DPYD: variants seen among roughly 807,000 people sequenced by gnomAD.
DPYD encodes the protein dihydropyrimidine dehydrogenase [NADP(+)].
DPYD carries 109 observed loss-of-function variants against 116.2 expected under a neutral mutation model. The observed-to-expected ratio is 0.94, with a 90% CI of 0.80 to 1.10. DPYD has a LOEUF of 1.10. DPYD is among the 50% of genes least tolerant of loss of function. The probability of loss-of-function intolerance (pLI) is 0.00; values close to 1 mark genes in which losing one functional copy is unlikely to be tolerated. For synonymous variants in DPYD, 440 were observed against 432.0 expected, an observed-to-expected ratio of 1.02 and a Z score of -0.23; for missense variants, 1,302 against 1,254.5, an observed-to-expected ratio of 1.04 and a Z score of -0.57.
At chr1:97,288,685 C>T in intron 18 of DPYD, among the ~76,000 whole-genome samples, 1 of 141,688 alleles carries the variant, frequency 7.1e-6, no homozygotes, top group Admixed American at 7.3e-5. Context: ...ACATTCAAAG[C>T]AGTGTGTAGA....
At chr1:97,462,823 G>C (rs1158488213) in intron 13 of DPYD, among the ~76,000 whole-genome samples, 1 of 152,124 alleles carries the variant, frequency 6.6e-6, no homozygotes, top group African/African-American at 2.4e-5. Flanking sequence ...CCCTGATCTA[G>C]GAGAGAATTA....
intron 18 of DPYD, among the ~76,000 whole-genome samples, chr1:97,298,832 C>T (rs1003784825): frequency 6.6e-6 from 1 of 152,084 alleles, no homozygotes. Flanking sequence ...GATTGATAGC[C>T]TAATCCAATG....
intron 20 of DPYD, among the ~76,000 whole-genome samples, chr1:97,126,172 C>T (rs1233093700): frequency 3.3e-5 from 5 of 152,040 alleles, no homozygotes; most frequent in Admixed American, 2.6e-4. Context: ...TCTTTTGGCC[C>T]TCATTCTTAT....
At chr1:97,351,791 A>G (rs1433776978) in intron 16 of DPYD, among the ~76,000 whole-genome samples, 1 of 152,130 alleles carries the variant, frequency 6.6e-6, no homozygotes, top group African/African-American at 2.4e-5. Flanking sequence ...TGTTTATAAA[A>G]GAGGAAATCA....
chr1:97,336,905 T>C (rs1405840381), intron 16 of DPYD, among the ~76,000 whole-genome samples: 1 of 151,954 alleles, frequency 6.6e-6, no homozygotes, highest in Non-Finnish European at 1.5e-5. Context: ...AAAAATACAA[T>C]GTTAAAGAGG....
At chr1:97,184,511 G>C (rs554537409) in intron 20 of DPYD, among the ~76,000 whole-genome samples, 1 of 152,200 alleles carries the variant, frequency 6.6e-6, no homozygotes, top group East Asian at 1.9e-4. Context: ...TTTCTCTAAT[G>C]ATCAGTGACA....
At chr1:97,584,976 A>AAAG (rs1653993019) in intron 10 of DPYD, among the ~76,000 whole-genome samples, 1 of 148,120 alleles carries the variant, frequency 6.8e-6, no homozygotes, top group African/African-American at 2.5e-5. Flanking sequence ...ATAAAGAAAT[A>AAAG]AAATAAAATG....
At chr1:97,537,821 T>C (rs917511112) in intron 12 of DPYD, among the ~76,000 whole-genome samples, 2 of 152,138 alleles carry the variant, frequency 1.3e-5, no homozygotes, top group Non-Finnish European at 2.9e-5. Flanking sequence ...ATTGAAGAAA[T>C]GGAAGACATG....
chr1:97,213,089 G>A (rs1660146852), intron 19 of DPYD, among the ~76,000 whole-genome samples: 1 of 151,884 alleles, frequency 6.6e-6, no homozygotes, highest in Non-Finnish European at 1.5e-5. Context: ...GGGCTCTCTG[G>A]AGTCTCTTGA....
chr1:97,464,900 C>T (rs1473296277), intron 13 of DPYD, among the ~76,000 whole-genome samples: 2 of 152,086 alleles, frequency 1.3e-5, no homozygotes, highest in Non-Finnish European at 2.9e-5. Context: ...TCCTCCAGAC[C>T]CCAGAATGGT....
intron 8 of DPYD, among the ~76,000 whole-genome samples, chr1:97,673,855 A>G (rs994081162): frequency 2.0e-4 from 30 of 152,162 alleles, no homozygotes; most frequent in African/African-American, 7.0e-4. Context: ...AAATATGAAA[A>G]CAAAGATAGC....
chr1:97,623,101 G>A (rs1656721618), intron 8 of DPYD, among the ~76,000 whole-genome samples: 2 of 152,062 alleles, frequency 1.3e-5, no homozygotes, highest in African/African-American at 4.8e-5. Context: ...GGGCAATGTT[G>A]AAAGTGAATG....
At chr1:97,182,031 A>G (rs1657682391) in intron 20 of DPYD, among the ~76,000 whole-genome samples, 1 of 152,102 alleles carries the variant, frequency 6.6e-6, no homozygotes, top group Admixed American at 6.6e-5. Context: ...ACCCAGTAGT[A>G]AGGCATCATG....
chr1:97,532,104 C>G (rs1649669138), intron 12 of DPYD, among the ~76,000 whole-genome samples: 1 of 151,914 alleles, frequency 6.6e-6, no homozygotes, highest in Non-Finnish European at 1.5e-5. Flanking sequence ...ATATGGATGC[C>G]TTTTATTTCT....
chr1:97,370,318 A>G (rs904420942), intron 16 of DPYD, among the ~76,000 whole-genome samples: 4 of 152,198 alleles, frequency 2.6e-5, no homozygotes, highest in African/African-American at 9.6e-5. Flanking sequence ...ACACAGGAAC[A>G]GAAAACAAAA....
At chr1:97,289,123 C>G (rs554944639) in intron 18 of DPYD, among the ~76,000 whole-genome samples, 1 of 152,084 alleles carries the variant, frequency 6.6e-6, no homozygotes, top group East Asian at 1.9e-4. Context: ...TACACCCTCC[C>G]AAGACTAAAC....
At chr1:97,559,927 G>A (rs1219510983) in intron 11 of DPYD, among the ~76,000 whole-genome samples, 1 of 152,082 alleles carries the variant, frequency 6.6e-6, no homozygotes, top group African/African-American at 2.4e-5. Context: ...CTATCTCTTT[G>A]GATCCTCACA....
At chr1:97,839,134 G>A (rs1669918257) in intron 2 of DPYD, among the ~76,000 whole-genome samples, 1 of 152,070 alleles carries the variant, frequency 6.6e-6, no homozygotes, top group African/African-American at 2.4e-5. Flanking sequence ...TTTAAAAAAC[G>A]TTTTAGTAAC....
intron 13 of DPYD, among the ~76,000 whole-genome samples, chr1:97,505,445 A>C (rs1481572048): frequency 6.6e-6 from 1 of 151,808 alleles, no homozygotes; most frequent in African/African-American, 2.4e-5. Context: ...AATGTGAAGA[A>C]AATAAAAAAA....
Sources: allele counts gnomAD v4.1 joint callset (sites outside exome capture counted in the v4.1 genomes callset), GRCh38; gene constraint gnomAD v4.1.1; transcripts MANE v1.5; gene names NCBI Gene and HGNC (gene_info 2026-07-23, HGNC 2026-07-21).